ESPNL: variants seen among roughly 807,000 people sequenced by gnomAD.
ESPNL encodes espin like, also known as espin-like protein.
In ESPNL, 49 loss-of-function variants were observed where a neutral mutation model predicts 46.8. That is an observed-to-expected ratio of 1.05 (90% CI 0.83 to 1.33). The LOEUF (loss-of-function observed/expected upper bound fraction) is 1.33. Ranked by LOEUF, ESPNL falls within the 40% of genes most tolerant of loss-of-function variation. The pLI, the probability that ESPNL is intolerant of heterozygous loss-of-function variation, is 0.00. For synonymous variants in ESPNL, 664 were observed against 662.1 expected (o/e 1.00, Z -0.04); for missense variants, 1,540 against 1,436.6 (o/e 1.07, Z -1.16).
At chr2:238,111,158 C>T (rs1691710392) in intron 4 of ESPNL, among the ~76,000 whole-genome samples, 1 of 151,952 alleles carries the variant, frequency 6.6e-6, no homozygotes, top group Non-Finnish European at 1.5e-5. Flanking sequence ...AATTCCTGAC[C>T]TCAAATGATC....
intron 5 of ESPNL, among the ~76,000 whole-genome samples, chr2:238,119,873 T>C (rs1574738437): frequency 6.6e-6 from 1 of 151,282 alleles, no homozygotes; most frequent in South Asian, 2.1e-4. Context: ...AGAGCCACAG[T>C]CCCCCCCACC....
Position 238,101,936 on chromosome 2 carries a change from G to T in ESPNL, c.295-5G>T, listed in dbSNP as rs1562333. 1.2e-6 allele frequency: 2 copies of T among 1,603,154 alleles called. No individual in the cohort carries two copies. The highest frequency in any genetic ancestry group is 1.1e-5 in the South Asian group (1 of 90,014). On this transcript the variant is annotated splice_polypyrimidine_tract_variant and splice_region_variant and intron_variant, in intron 1 of 8. Transcript: ENST00000343063. ...CCACTCACTGACCTACCCGGGGCTT[G>T]GTAGGACCAAGATGCCTCGGGCGTC...
intron 4 of ESPNL, among the ~76,000 whole-genome samples, chr2:238,111,417 A>T (rs114262859): frequency 0.011 from 1,740 of 152,280 alleles, 35 homozygotes; most frequent in African/African-American, 0.04. Context: ...CTGAGACGCT[A>T]TGGCCATCAG....
intron 5 of ESPNL, among the ~76,000 whole-genome samples, chr2:238,124,358 C>G (rs1216878102): frequency 1.3e-5 from 2 of 152,194 alleles, no homozygotes; most frequent in South Asian, 4.1e-4. Context: ...GGGACAAGGG[C>G]TGCCCATGCC....
In ESPNL at chr2:238,100,414, CA is replaced by C. The variant is rs1559256219; in HGVS notation, c.-5del. The C allele has an allele frequency of 6.3e-6, 10 of 1,594,398 alleles. No individual in the cohort carries two copies. Among genetic ancestry groups the C allele is most frequent in the Non-Finnish European group, 7.7e-6 (9 of 1,173,872 alleles). On this transcript the variant is annotated 5_prime_UTR_variant, in exon 1 of 9. Coordinates refer to ENST00000343063, the MANE Select transcript of ESPNL (RefSeq NM_194312.4). ...ATGAGTCGCCACTGAGAGCCCGGGCCAGAGGATGGAGAAGCAGCGGGCACTC... is the reference window on the plus strand; with the variant it reads ...ATGAGTCGCCACTGAGAGCCCGGGCCGAGGATGGAGAAGCAGCGGGCACTC...
chr2:238,105,436 C>T (rs1030289804), intron 3 of ESPNL, among the ~76,000 whole-genome samples: 1 of 151,038 alleles, frequency 6.6e-6, no homozygotes, highest in Non-Finnish European at 1.5e-5. Flanking sequence ...GTGCTTGAAC[C>T]TGGGAGGCGG....
Position 238,104,637 on chromosome 2 carries a change from A to G in ESPNL, c.486-19A>G, listed in dbSNP as rs1262461283. The G allele has an allele frequency of 4.5e-6, 7 of 1,550,810 alleles. No homozygotes were observed. Among genetic ancestry groups the G allele is most frequent in the Non-Finnish European group, 6.1e-6 (7 of 1,145,506 alleles). On this transcript the variant is annotated intron_variant, in intron 2 of 8. Coordinates refer to ENST00000343063, the MANE Select transcript of ESPNL (RefSeq NM_194312.4). ...GCCATAGGCAGGGACTGGGCCTCCA[A>G]ACCCTCCCTTCCCTGCAGCAGCGTG...
intron 2 of ESPNL, 24 bp downstream of exon 2, chr2:238,102,155 G>C (rs10186290): frequency 0.09 from 136,047 of 1,506,552 alleles, 15,306 homozygotes; most frequent in African/African-American, 0.49. Flanking sequence ...AGTCCCGCCT[G>C]GGGGGGCAGC....
intron 4 of ESPNL, among the ~76,000 whole-genome samples, chr2:238,109,430 A>G (rs968549937): frequency 1.3e-5 from 2 of 152,354 alleles, no homozygotes; most frequent in African/African-American, 4.8e-5. Flanking sequence ...CACCGTGTGC[A>G]ACCTCTAACT....
Position 238,130,153 on chromosome 2 carries a change from C to G in ESPNL, c.1439C>G (p.Thr480Arg). 1 of 1,612,276 alleles carries G rather than the reference C, an allele frequency of 6.2e-7. No individual in the cohort carries two copies. The highest frequency in any genetic ancestry group is 8.5e-7 in the Non-Finnish European group (1 of 1,179,476). The change falls in exon 9 of 9, where the codon ACG becomes AGG. Residue 480 changes from threonine (T) to arginine (R), a missense_variant. Thr to Arg is a moderately conservative substitution (Grantham distance 71). Transcript: ENST00000343063. ...GACAATGGTGGGAGCTCAGGCCCCA[C>G]GGAGCAGGCGGCCTGGAGGTACTCA... is the stretch of plus-strand genomic sequence containing the variant. ...AQDNGGSSGP[T>R]EQAAWRYSQT...
chr2:238,128,328 T>C (rs1692188837), intron 7 of ESPNL, among the ~76,000 whole-genome samples: 1 of 152,264 alleles, frequency 6.6e-6, no homozygotes, highest in East Asian at 1.9e-4. Context: ...TGACAAGCCC[T>C]CCGCGGCACA....
chr2:238,107,861 G>A lies in ESPNL; in HGVS notation c.743G>A (p.Arg248Gln), dbSNP rs771973917. 15 of 1,610,912 alleles carry A rather than the reference G, an allele frequency of 9.3e-6. No homozygotes were observed. Among genetic ancestry groups the A allele is most frequent in the Middle Eastern group, 1.6e-4 (1 of 6,076 alleles). Reference protein sequence around the residue: ...EGATALHFAARGGHTPILDRL... With the variant: ...EGATALHFAAQGGHTPILDRL... ...GCCACGGCCCTGCACTTTGCAGCCC[G>A]AGGCGGCCACACGCCCATTCTAGAC... The change falls in exon 4 of 9, where the codon CGA (arginine) becomes CAA (glutamine). Residue 248 changes from arginine (R) to glutamine (Q), a missense_variant. Transcript: ENST00000343063.
Position 238,102,059 on chromosome 2 carries a change from C to T in ESPNL, c.413C>T (p.Ala138Val). The T allele has an allele frequency of 6.3e-7, 1 of 1,594,016 alleles. No homozygotes were observed. Reference protein sequence around the residue: ...HSATLETREGARPLHHAAVSG... With the variant: ...HSATLETREGVRPLHHAAVSG... Reference sequence around the variant, plus strand: ...GCCACGCTAGAGACCCGGGAGGGAGCCCGGCCGCTGCACCACGCTGCCGTC... The same window carrying T: ...GCCACGCTAGAGACCCGGGAGGGAGTCCGGCCGCTGCACCACGCTGCCGTC... Residue 138 changes from alanine (A) to valine (V), a missense_variant, in exon 2 of 9, where the codon GCC (alanine) becomes GTC (valine). Physicochemically the swap from Ala to Val is moderately conservative, Grantham distance 64. Coordinates refer to ENST00000343063, the MANE Select transcript of ESPNL (RefSeq NM_194312.4).
chr2:238,104,697 A>T lies in ESPNL; in HGVS notation c.527A>T (p.Tyr176Phe). The change falls in exon 3 of 9, where the codon TAC becomes TTC. Residue 176 changes from tyrosine to phenylalanine, a missense_variant. Transcript: ENST00000343063. ...RRTRSGASPLYLACQEGHLHL... is the reference protein window; with the variant it reads ...RRTRSGASPLFLACQEGHLHL... ...ACACGCAGTGGCGCCTCCCCACTCT[A>T]CCTGGCCTGCCAGGAGGGCCACCTG... The T allele has an allele frequency of 6.2e-7, 1 of 1,606,174 alleles. No individual in the cohort carries two copies. Among genetic ancestry groups the T allele is most frequent in the South Asian group, 1.1e-5 (1 of 90,398 alleles).
Position 238,132,713 on chromosome 2 carries a change from A to G in ESPNL, c.*981A>G, listed in dbSNP as rs1210463066. On this transcript the variant is annotated 3_prime_UTR_variant, in exon 9 of 9. Transcript: ENST00000343063. ...AGTATTCCTGGGCATGGTGCTGGGCATGGCTGGCATAGGGTGTGGCTTGTC... is the reference window on the plus strand; with the variant it reads ...AGTATTCCTGGGCATGGTGCTGGGCGTGGCTGGCATAGGGTGTGGCTTGTC... 1 of 152,664 alleles carries G rather than the reference A, an allele frequency of 6.6e-6. No homozygotes were observed. The highest frequency in any genetic ancestry group is 1.5e-5 in the Non-Finnish European group (1 of 68,370). 9.5% of individuals were successfully genotyped at this position (152,664 alleles called of 1,614,324 possible).
Position 238,130,906 on chromosome 2 carries a change from C to T in ESPNL, c.2192C>T (p.Pro731Leu). The T allele has an allele frequency of 6.5e-7, 1 of 1,546,864 alleles. No homozygotes were observed. ...TCAGAGGCGGGTGCCGCAGCCGGCCCAGACCTGGCCAGCCTGCGCAAGGAG... is the reference window on the plus strand; with the variant it reads ...TCAGAGGCGGGTGCCGCAGCCGGCCTAGACCTGGCCAGCCTGCGCAAGGAG... ...VPSEAGAAAGPDLASLRKERI... is the reference protein window; with the variant it reads ...VPSEAGAAAGLDLASLRKERI... The change falls in exon 9 of 9, where the codon CCA becomes CTA. Residue 731 changes from proline to leucine, a missense_variant. Coordinates refer to ENST00000343063, the MANE Select transcript of ESPNL (RefSeq NM_194312.4).
At chr2:238,112,341 T>C (rs1691732012) in intron 4 of ESPNL, among the ~76,000 whole-genome samples, 1 of 152,148 alleles carries the variant, frequency 6.6e-6, no homozygotes, top group Admixed American at 6.5e-5. Context: ...GATCCTTTAT[T>C]GTCTGTATGT....
intron 2 of ESPNL, among the ~76,000 whole-genome samples, chr2:238,103,415 C>A (rs1223165963): frequency 2.8e-5 from 4 of 144,870 alleles, no homozygotes; most frequent in African/African-American, 8.4e-5. Flanking sequence ...GGCGATAGAG[C>A]AAGACCATGT....
rs777492907 is a variant in ESPNL, at chr2:238,131,010, C to T, written c.2296C>T (p.Leu766=). ...PALKTVACRT[L]GARHAGLRGQ... is the part of the protein sequence containing the mutation. ...CCTCAAGACAGTGGCCTGCAGGACC[C>T]TAGGAGCCCGCCACGCGGGGTTGCG... is the stretch of plus-strand genomic sequence containing the variant. Residue 766 remains leucine, a synonymous_variant, in exon 9 of 9, where the codon CTA becomes TTA. Coordinates refer to ENST00000343063, the MANE Select transcript of ESPNL (RefSeq NM_194312.4). 52 of 1,542,624 alleles carry T rather than the reference C, an allele frequency of 3.4e-5. No homozygotes were observed. In the African/African-American group the frequency reaches 4.9e-4, roughly 15 times the overall value.
Sources: allele counts gnomAD v4.1 joint callset (sites outside exome capture counted in the v4.1 genomes callset), GRCh38; gene constraint gnomAD v4.1.1; transcripts MANE v1.5; gene names NCBI Gene and HGNC (gene_info 2026-07-23, HGNC 2026-07-21).